Variants in IQCM observed in about 807,000 individuals in gnomAD.
IQCM encodes IQ motif containing M.
In IQCM, 45 loss-of-function variants were observed where a neutral mutation model predicts 57.6. That is an observed-to-expected ratio of 0.78 (90% CI 0.62 to 1.00). IQCM has a LOEUF of 1.00. Ranked by LOEUF, IQCM falls within the 50% of genes least tolerant of loss-of-function variation. The pLI is 0.00. For missense variants in IQCM, 468 were observed against 511.6 expected, an observed-to-expected ratio of 0.91 and a Z score of 0.82; for synonymous variants, 148 against 158.9, an observed-to-expected ratio of 0.93 and a Z score of 0.51.
rs548299573 is a variant in IQCM, at chr4:149,795,498, T to G, written c.-49+19813A>C. 2.2e-4 allele frequency among the ~76,000 whole-genome samples: 34 copies of G among 152,148 alleles called. No individual in the cohort carries two copies. In the South Asian group the frequency reaches 7.1e-3, roughly 32 times the overall value. ...AAGTGCACTGAGGCTCTAAATAAAC[T>G]TCACAAGGCCACATTTAGGCAAGTC... On this transcript the variant is annotated intron_variant, in intron 2 of 13. Transcript: ENST00000636793.
intron 12 of IQCM, among the ~76,000 whole-genome samples, chr4:149,478,032 C>T (rs1740386937): frequency 6.6e-6 from 1 of 152,104 alleles, no homozygotes; most frequent in Non-Finnish European, 1.5e-5. Flanking sequence ...AATAATAGTA[C>T]TTATCTCATG....
chr4:149,553,051 C>T (rs1749185751), intron 11 of IQCM, 92 bp downstream of exon 11: 4 of 945,422 alleles, frequency 4.2e-6, no homozygotes, highest in Non-Finnish European at 5.5e-6. Flanking sequence ...ATATAATCTA[C>T]CTTTGCTTTC....
chr4:149,733,372 C>G lies in IQCM; in HGVS notation c.257G>C (p.Arg86Thr). The change falls in exon 5 of 14, where the codon AGG becomes ACG. Residue 86 changes from arginine (R) to threonine (T), a missense_variant. Coordinates refer to ENST00000636793, the MANE Select transcript of IQCM (RefSeq NM_001363507.2). ...VVQEHRAALR[R>T]ICFPKELSKS... ...GGAAAGCTCCTTGGGAAAGCAAATC[C>G]TTCTGAGTGCGGCCCGATGTTCTTG... 1 of 1,231,798 alleles carries G rather than the reference C, an allele frequency of 8.1e-7. No individual in the cohort carries two copies. The allele number at this position is 1,231,798 out of a possible 1,614,324, so 76.3% of individuals were successfully genotyped here.
At chr4:149,596,502 C>T (rs1346407834) in intron 8 of IQCM, among the ~76,000 whole-genome samples, 1 of 151,928 alleles carries the variant, frequency 6.6e-6, no homozygotes, top group Non-Finnish European at 1.5e-5. Context: ...ACATTGGAAC[C>T]CAGAGTACCA....
intron 13 of IQCM, among the ~76,000 whole-genome samples, chr4:149,356,703 G>T (rs1578773836): frequency 6.6e-6 from 1 of 151,344 alleles, no homozygotes; most frequent in South Asian, 2.1e-4. Context: ...TGTTCTTTTG[G>T]CTTAGGATTG....
intron 5 of IQCM, among the ~76,000 whole-genome samples, chr4:149,719,582 T>A (rs1765277562): frequency 6.6e-6 from 1 of 152,182 alleles, no homozygotes; most frequent in Admixed American, 6.5e-5. Flanking sequence ...AAAGTTTATC[T>A]TCAGCAATGC....
chr4:149,791,751 G>A (rs536786557), intron 2 of IQCM, among the ~76,000 whole-genome samples: 35 of 152,260 alleles, frequency 2.3e-4, no homozygotes, highest in Admixed American at 1.8e-3. Flanking sequence ...TTATACCACA[G>A]GGATGTTTAG....
At chr4:149,471,266 A>G (rs899870899) in intron 12 of IQCM, among the ~76,000 whole-genome samples, 19 of 152,178 alleles carry the variant, frequency 1.2e-4, no homozygotes, top group Admixed American at 5.2e-4. Context: ...AATAGACACT[A>G]TAAAAAATGA....
chr4:149,483,158 C>A (rs1267031183), intron 12 of IQCM, among the ~76,000 whole-genome samples: 1 of 151,644 alleles, frequency 6.6e-6, no homozygotes, highest in Admixed American at 6.6e-5. Flanking sequence ...TTTGCATCTT[C>A]TCTCTTTTTT....
At chr4:149,603,586 A>G (rs1754505379) in intron 8 of IQCM, among the ~76,000 whole-genome samples, 1 of 152,148 alleles carries the variant, frequency 6.6e-6, no homozygotes, top group Non-Finnish European at 1.5e-5. Flanking sequence ...CCAATGCAAC[A>G]TGCCTTGCCT....
At chr4:149,556,882 C>T (rs565034079) in intron 10 of IQCM, among the ~76,000 whole-genome samples, 1 of 152,300 alleles carries the variant, frequency 6.6e-6, no homozygotes, top group East Asian at 1.9e-4. Flanking sequence ...CTGTTGCTTG[C>T]TGTACTCATT....
intron 5 of IQCM, among the ~76,000 whole-genome samples, chr4:149,712,881 T>G (rs1294569724): frequency 2.6e-5 from 4 of 152,146 alleles, no homozygotes; most frequent in Non-Finnish European, 5.9e-5. Context: ...AAAAATAACT[T>G]GCCCTCATAT....
intron 12 of IQCM, among the ~76,000 whole-genome samples, chr4:149,494,591 C>A (rs1007331789): frequency 6.6e-6 from 1 of 152,072 alleles, no homozygotes; most frequent in Non-Finnish European, 1.5e-5. Flanking sequence ...AATTATAATA[C>A]CTCAGTCCAG....
At position 149,649,482 on chromosome 4, in the gene IQCM, TG is replaced by T. The variant is rs939160079; in HGVS notation, c.566-28239del. 1.4e-4 allele frequency among the ~76,000 whole-genome samples: 22 copies of T among 152,286 alleles called. 1 individual carries two copies. The highest frequency in any genetic ancestry group is 5.1e-4 in the African/African-American group (21 of 41,578). On this transcript the variant is annotated intron_variant, in intron 7 of 13. Coordinates refer to ENST00000636793, the MANE Select transcript of IQCM (RefSeq NM_001363507.2). Reference sequence around the variant, plus strand: ...AGTTGGTCAAACAAAAATTGATCTGTGGGGTTCCCCTACTATTTTTTAAGTT... The same window carrying T: ...AGTTGGTCAAACAAAAATTGATCTGTGGGTTCCCCTACTATTTTTTAAGTT...
At chr4:149,603,685 G>T (rs1361833961) in intron 8 of IQCM, among the ~76,000 whole-genome samples, 2 of 151,520 alleles carry the variant, frequency 1.3e-5, no homozygotes, top group Non-Finnish European at 2.9e-5. Flanking sequence ...CTGACAAAAT[G>T]AGAATGGCCA....
At chr4:149,460,408 A>G (rs1281552509) in intron 12 of IQCM, among the ~76,000 whole-genome samples, 1 of 152,184 alleles carries the variant, frequency 6.6e-6, no homozygotes, top group African/African-American at 2.4e-5. Context: ...AAAAAATTTC[A>G]TAATCTAATT....
chr4:149,750,437 G>A (rs993019238), intron 2 of IQCM, among the ~76,000 whole-genome samples: 5 of 152,160 alleles, frequency 3.3e-5, no homozygotes, highest in African/African-American at 9.7e-5. Flanking sequence ...ATTTCTGGGG[G>A]ATTTCAGTTA....
At position 149,779,466 on chromosome 4, in the gene IQCM, T is replaced by C. The variant is rs1259075956; in HGVS notation, c.-49+35845A>G. On this transcript the variant is annotated intron_variant, in intron 2 of 13. Coordinates refer to ENST00000636793, the MANE Select transcript of IQCM (RefSeq NM_001363507.2). ...CACCCAGAAATTGTCAAAACACCAA[T>C]ATGCTGGGTTTTGACAAAGAAGCAA... Among the ~76,000 whole-genome samples the C allele has an allele frequency of 2.0e-5, 3 of 152,066 alleles. No individual in the cohort carries two copies. In the East Asian group the frequency reaches 5.8e-4, roughly 29 times the overall value.
At chr4:149,356,210 T>C (rs1373182804) in intron 13 of IQCM, among the ~76,000 whole-genome samples, 1 of 152,196 alleles carries the variant, frequency 6.6e-6, no homozygotes, top group African/African-American at 2.4e-5. Flanking sequence ...TTCACTCTGA[T>C]GGTGGTTTCT....
Sources: allele counts gnomAD v4.1 joint callset (sites outside exome capture counted in the v4.1 genomes callset), GRCh38; gene constraint gnomAD v4.1.1; transcripts MANE v1.5; gene names NCBI Gene and HGNC (gene_info 2026-07-23, HGNC 2026-07-21).